Variants in KHDRBS2 observed in about 807,000 individuals in gnomAD.
The protein encoded by KHDRBS2 is KH domain-containing, RNA-binding, signal transduction-associated protein 2.
In KHDRBS2, 26 loss-of-function variants were observed where a neutral mutation model predicts 44.3. The observed-to-expected ratio is 0.59, with a 90% CI of 0.43 to 0.81. The LOEUF (loss-of-function observed/expected upper bound fraction) is 0.81. KHDRBS2 is among the 40% of genes least tolerant of loss of function. KHDRBS2 has a pLI of 0.00. For synonymous variants in KHDRBS2, 194 were observed against 151.1 expected, an observed-to-expected ratio of 1.28 and a Z score of -2.08; for missense variants, 476 against 433.1, an observed-to-expected ratio of 1.10 and a Z score of -0.88.
chr6:61,876,355 G>T (rs1267842694), intron 6 of KHDRBS2, among the ~76,000 whole-genome samples: 5 of 152,028 alleles, frequency 3.3e-5, no homozygotes, highest in African/African-American at 4.8e-5. Flanking sequence ...TAGTGCACTT[G>T]TGTGAATATT....
intron 6 of KHDRBS2, among the ~76,000 whole-genome samples, chr6:61,841,227 G>C (rs1202594986): frequency 6.6e-6 from 1 of 152,030 alleles, no homozygotes; most frequent in African/African-American, 2.4e-5. Context: ...TTTGAAAACA[G>C]GTAATAAATG....
chr6:62,225,866 C>A (rs1831706772), intron 1 of KHDRBS2, among the ~76,000 whole-genome samples: 1 of 152,186 alleles, frequency 6.6e-6, no homozygotes, highest in African/African-American at 2.4e-5. Context: ...AAACCATGAT[C>A]TCATTGCTTT....
At chr6:61,844,587 C>T (rs1381100870) in intron 6 of KHDRBS2, among the ~76,000 whole-genome samples, 1 of 152,066 alleles carries the variant, frequency 6.6e-6, no homozygotes, top group Non-Finnish European at 1.5e-5. Context: ...ACAGGTAATA[C>T]AAAATCTCAT....
At chr6:62,085,582 C>T (rs188202803) in intron 2 of KHDRBS2, among the ~76,000 whole-genome samples, 407 of 152,116 alleles carry the variant, frequency 2.7e-3, no homozygotes, top group Middle Eastern at 3.4e-3. Context: ...GTATAAATGA[C>T]GTGTTATATT....
At chr6:62,272,766 T>G (rs892966766) in intron 1 of KHDRBS2, among the ~76,000 whole-genome samples, 1 of 152,160 alleles carries the variant, frequency 6.6e-6, no homozygotes, top group African/African-American at 2.4e-5. Flanking sequence ...AACAGTCCTA[T>G]AAAAGGAGTC....
chr6:61,928,315 C>G (rs559680711), intron 4 of KHDRBS2, among the ~76,000 whole-genome samples: 1 of 152,162 alleles, frequency 6.6e-6, no homozygotes, highest in South Asian at 2.1e-4. Context: ...CTAAGCAAAG[C>G]TGAATGAATT....
chr6:61,883,222 AAGAT>A (rs961615248), intron 6 of KHDRBS2, among the ~76,000 whole-genome samples: 2 of 151,674 alleles, frequency 1.3e-5, no homozygotes, highest in Non-Finnish European at 2.9e-5. Flanking sequence ...TTTCAAAAAA[AAGAT>A]AGAACTCCCT....
the KHDRBS2 span, among the ~76,000 whole-genome samples, chr6:61,646,519 A>C: frequency 2.6e-5 from 4 of 152,174 alleles, no homozygotes; most frequent in African/African-American, 9.7e-5. Context: ...AGCATTTGGT[A>C]ATTATGGAGA....
intron 6 of KHDRBS2, among the ~76,000 whole-genome samples, chr6:61,750,024 TGAG>T (rs1413133855): frequency 6.6e-6 from 1 of 152,122 alleles, no homozygotes; most frequent in African/African-American, 2.4e-5. Flanking sequence ...AAAATAATAA[TGAG>T]GAGTTATTTT....
Position 62,047,977 on chromosome 6 carries a change from T to C in KHDRBS2, c.237A>G (p.Lys79=). ...AGGAGTTTCCTCTTGGTCCAAGCAA[T>C]TTCCCCACAAAATTGAACTAGGAAA... The part of the protein sequence containing the change: ...KQYPKFNFVG[K]LLGPRGNSLK... The change falls in exon 3 of 9, where the codon AAA becomes AAG. Residue 79 remains lysine (K), a synonymous_variant. Coordinates refer to ENST00000281156, the MANE Select transcript of KHDRBS2 (RefSeq NM_152688.4). The C allele has an allele frequency of 1.2e-6, 2 of 1,601,282 alleles. No individual in the cohort carries two copies. The highest frequency in any genetic ancestry group is 1.7e-6 in the Non-Finnish European group (2 of 1,168,806).
At chr6:61,887,987 T>C (rs1292438228) in intron 6 of KHDRBS2, among the ~76,000 whole-genome samples, 1 of 152,128 alleles carries the variant, frequency 6.6e-6, no homozygotes, top group Non-Finnish European at 1.5e-5. Flanking sequence ...ATAATGAAAA[T>C]ATAATACAAG....
intron 1 of KHDRBS2, among the ~76,000 whole-genome samples, chr6:62,208,658 C>G (rs1828467045): frequency 6.6e-6 from 1 of 152,130 alleles, no homozygotes; most frequent in Non-Finnish European, 1.5e-5. Flanking sequence ...AACCTCCATA[C>G]TGTTTTCCAT....
chr6:62,262,006 T>C (rs1423903703), intron 1 of KHDRBS2, among the ~76,000 whole-genome samples: 1 of 151,718 alleles, frequency 6.6e-6, no homozygotes, highest in Non-Finnish European at 1.5e-5. Context: ...AGATTACCCT[T>C]AAAAGTGTAA....
At chr6:61,718,059 AG>A (rs1771739899) in intron 7 of KHDRBS2, among the ~76,000 whole-genome samples, 2 of 152,100 alleles carry the variant, frequency 1.3e-5, no homozygotes, top group Admixed American at 6.6e-5. Flanking sequence ...ATATAAAATG[AG>A]GAAAAAAATA....
chr6:61,723,197 A>T (rs1181188775), intron 7 of KHDRBS2, among the ~76,000 whole-genome samples: 1 of 152,010 alleles, frequency 6.6e-6, no homozygotes, highest in Non-Finnish European at 1.5e-5. Flanking sequence ...CAACAATAAT[A>T]TCAACAAAAA....
chr6:61,707,748 C>T (rs1051445232), intron 7 of KHDRBS2, among the ~76,000 whole-genome samples: 9 of 151,558 alleles, frequency 5.9e-5, no homozygotes, highest in Admixed American at 6.6e-5. Context: ...TACTATTTAT[C>T]GGCTGCTGTT....
chr6:61,823,269 A>T (rs763741365), intron 6 of KHDRBS2, among the ~76,000 whole-genome samples: 1 of 152,082 alleles, frequency 6.6e-6, no homozygotes, highest in Non-Finnish European at 1.5e-5. Context: ...TCCCCAGATC[A>T]TCAGTGAGGA....
intron 5 of KHDRBS2, among the ~76,000 whole-genome samples, chr6:61,895,275 T>G (rs1291275168): frequency 2.6e-5 from 4 of 152,066 alleles, no homozygotes; most frequent in Non-Finnish European, 4.4e-5. Context: ...GCATCTCCTT[T>G]ATGCTGGGGA....
chr6:62,127,481 C>A (rs753299831), intron 2 of KHDRBS2, among the ~76,000 whole-genome samples: 1 of 152,042 alleles, frequency 6.6e-6, no homozygotes, highest in Non-Finnish European at 1.5e-5. Flanking sequence ...ATAATCCTTA[C>A]TTTAAAATCT....
Sources: gnomAD v4.1 joint callset for allele counts (sites outside exome capture counted in the v4.1 genomes callset) on GRCh38, gnomAD v4.1.1 for gene constraint, MANE v1.5 for transcripts, NCBI Gene and HGNC (gene_info 2026-07-23, HGNC 2026-07-21) for gene names.